The following PRR16 variants were observed in gnomAD, a reference collection of about 807,000 sequenced individuals.
The protein encoded by PRR16 is protein Largen.
In PRR16, 6 loss-of-function variants were observed where a neutral mutation model predicts 18.2. The ratio of observed to expected loss-of-function variants is 0.33; its 90% CI spans 0.18 to 0.65. PRR16 has a LOEUF of 0.65. Ranked by LOEUF, PRR16 falls within the 30% of genes least tolerant of loss-of-function variation. The pLI, the probability that PRR16 is intolerant of heterozygous loss-of-function variation, is 0.74. For missense variants in PRR16, 412 were observed against 376.6 expected (o/e 1.09, Z -0.78); for synonymous variants, 151 against 147.8 (o/e 1.02, Z -0.16).
At chr5:120,519,703 CTT>C (rs547013604) in intron 1 of PRR16, among the ~76,000 whole-genome samples, 3 of 152,124 alleles carry the variant, frequency 2.0e-5, no homozygotes, top group Admixed American at 2.0e-4. Context: ...ATAAACATCT[CTT>C]GTGCCAACAA....
At chr5:120,757,033 C>T in the PRR16 span, among the ~76,000 whole-genome samples, 5 of 151,990 alleles carry the variant, frequency 3.3e-5, no homozygotes, top group African/African-American at 1.2e-4. Flanking sequence ...ATTCTTCTGC[C>T]TATGGACATC....
chr5:120,748,797 T>A, the PRR16 span, among the ~76,000 whole-genome samples: 3 of 152,088 alleles, frequency 2.0e-5, no homozygotes, highest in Non-Finnish European at 4.4e-5. Flanking sequence ...GAAGGCTCAT[T>A]GTGGACAGAC....
chr5:120,721,600 G>A, the PRR16 span, among the ~76,000 whole-genome samples: 1 of 152,018 alleles, frequency 6.6e-6, no homozygotes, highest in Non-Finnish European at 1.5e-5. Context: ...GGAGGTCAGT[G>A]TGCCAAATTG....
At chr5:120,762,543 C>G in the PRR16 span, among the ~76,000 whole-genome samples, 2 of 152,172 alleles carry the variant, frequency 1.3e-5, no homozygotes. Flanking sequence ...GTTGCTCAGG[C>G]CGCTCTCCTG....
At chr5:120,490,463 A>T (rs1749988718) in intron 1 of PRR16, among the ~76,000 whole-genome samples, 1 of 152,020 alleles carries the variant, frequency 6.6e-6, no homozygotes, top group Admixed American at 6.5e-5. Context: ...AGGCTTGTGT[A>T]TTCGTCACGT....
At chr5:120,514,265 G>T (rs1750918619) in intron 1 of PRR16, among the ~76,000 whole-genome samples, 1 of 152,114 alleles carries the variant, frequency 6.6e-6, no homozygotes, top group Admixed American at 6.5e-5. Flanking sequence ...AGCTTGCCTG[G>T]AAGTTCTCTG....
intron 1 of PRR16, among the ~76,000 whole-genome samples, chr5:120,606,841 A>C (rs1316624255): frequency 6.6e-6 from 1 of 152,116 alleles, no homozygotes; most frequent in Non-Finnish European, 1.5e-5. Flanking sequence ...ACGAAACACA[A>C]GGCTACAGTG....
chr5:120,538,562 G>A (rs892075892), intron 1 of PRR16, among the ~76,000 whole-genome samples: 4 of 152,322 alleles, frequency 2.6e-5, no homozygotes, highest in African/African-American at 9.6e-5. Context: ...CGATATAGGG[G>A]ACCAAATAAA....
chr5:120,757,736 G>C, the PRR16 span, among the ~76,000 whole-genome samples: 50 of 152,050 alleles, frequency 3.3e-4, no homozygotes, highest in Non-Finnish European at 5.9e-4. Context: ...TCATAGGTTT[G>C]GTGAATTGGC....
At chr5:120,672,169 C>CTTGAAGGCA (rs1204131753) in intron 1 of PRR16, among the ~76,000 whole-genome samples, 1 of 151,334 alleles carries the variant, frequency 6.6e-6, no homozygotes, top group Non-Finnish European at 1.5e-5. Flanking sequence ...CATAACAGGA[C>CTTGAAGGCA]TTGAAGGCAA....
At chr5:120,604,246 G>T (rs954911060) in intron 1 of PRR16, among the ~76,000 whole-genome samples, 1 of 152,026 alleles carries the variant, frequency 6.6e-6, no homozygotes, top group Non-Finnish European at 1.5e-5. Flanking sequence ...TGTGGTGGGA[G>T]CATATATTTC....
At chr5:120,738,106 A>G in the PRR16 span, among the ~76,000 whole-genome samples, 1 of 151,034 alleles carries the variant, frequency 6.6e-6, no homozygotes, top group African/African-American at 2.4e-5. Context: ...GAATCATAAG[A>G]GAAGACATTT....
the PRR16 span, among the ~76,000 whole-genome samples, chr5:120,698,987 G>A: frequency 6.6e-6 from 1 of 152,156 alleles, no homozygotes; most frequent in Non-Finnish European, 1.5e-5. Flanking sequence ...AGAAATGACT[G>A]TGGTGGCCTT....
intron 1 of PRR16, among the ~76,000 whole-genome samples, chr5:120,492,647 G>A (rs559929455): frequency 6.6e-6 from 1 of 152,082 alleles, no homozygotes; most frequent in Non-Finnish European, 1.5e-5. Context: ...TGAATTCTGA[G>A]ATTTTAGTGC....
chr5:120,588,437 A>T (rs1015751576), intron 1 of PRR16, among the ~76,000 whole-genome samples: 1 of 152,070 alleles, frequency 6.6e-6, no homozygotes, highest in Non-Finnish European at 1.5e-5. Flanking sequence ...AGCCATCCCA[A>T]CCTTAGCCCA....
intron 1 of PRR16, among the ~76,000 whole-genome samples, chr5:120,575,791 C>G (rs2112744326): frequency 6.6e-6 from 1 of 152,246 alleles, no homozygotes; most frequent in South Asian, 2.1e-4. Flanking sequence ...ACTGGGAGTT[C>G]TAGTCAGAGC....
chr5:120,736,359 G>T, the PRR16 span, among the ~76,000 whole-genome samples: 2 of 151,910 alleles, frequency 1.3e-5, no homozygotes, highest in African/African-American at 4.8e-5. Context: ...CTGTCTCCCG[G>T]GTTCAAGTGA....
chr5:120,750,081 G>T, the PRR16 span, among the ~76,000 whole-genome samples: 984 of 152,152 alleles, frequency 6.5e-3, 3 homozygotes, highest in Non-Finnish European at 0.01. Context: ...TGAAAAATTG[G>T]GTACCTTTAC....
At chr5:120,655,123 G>T (rs996251138) in intron 1 of PRR16, among the ~76,000 whole-genome samples, 1 of 151,646 alleles carries the variant, frequency 6.6e-6, no homozygotes, top group African/African-American at 2.4e-5. Context: ...GAAATAAAAT[G>T]ATATTTCTGA....
Sources: allele counts gnomAD v4.1 joint callset (sites outside exome capture counted in the v4.1 genomes callset), GRCh38; gene constraint gnomAD v4.1.1; transcripts MANE v1.5; gene names NCBI Gene and HGNC (gene_info 2026-07-23, HGNC 2026-07-21).